ATP6V0D2: variants seen among roughly 807,000 people sequenced by gnomAD.
ATP6V0D2 encodes the protein ATPase H+ transporting V0 subunit d2.
Under a neutral mutation model 40.0 loss-of-function variants are expected in ATP6V0D2, and 40 were observed. The ratio of observed to expected loss-of-function variants is 1.00; its 90% CI spans 0.78 to 1.30. The LOEUF (loss-of-function observed/expected upper bound fraction) is 1.30. Ranked by LOEUF, ATP6V0D2 falls within the 50% of genes most tolerant of loss-of-function variation. The pLI is 0.00. For missense variants in ATP6V0D2, 470 were observed against 423.1 expected (o/e 1.11, Z -0.97); for synonymous variants, 179 against 156.3 (o/e 1.15, Z -1.08).
intron 2 of ATP6V0D2, 77 bp from the exon 3 acceptor site, chr8:86,139,380 T>G: frequency 8.1e-7 from 1 of 1,230,610 alleles, no homozygotes; most frequent in Non-Finnish European, 1.1e-6. Flanking sequence ...ACCTAAAGAG[T>G]GTGTGTTTTT....
chr8:86,151,690 A>T, intron 7 of ATP6V0D2, 150 bp downstream of exon 7: 1 of 606,632 alleles, frequency 1.6e-6, no homozygotes, highest in Non-Finnish European at 2.9e-6. Context: ...TTATTGCTAC[A>T]AAGTTACACA....
intron 3 of ATP6V0D2, 87 bp downstream of exon 3, chr8:86,139,722 C>A: frequency 1.4e-6 from 2 of 1,399,354 alleles, no homozygotes; most frequent in Non-Finnish European, 1.9e-6. Context: ...CCCTGTGGTC[C>A]AAAAGAAAAT....
chr8:86,126,236 CTATATA>C (rs60590702), intron 2 of ATP6V0D2, among the ~76,000 whole-genome samples: 33 of 77,122 alleles, frequency 4.3e-4, no homozygotes, highest in South Asian at 2.2e-3. Context: ...CGTGCTCAGC[CTATATA>C]TATATATATA....
intron 5 of ATP6V0D2, among the ~76,000 whole-genome samples, chr8:86,143,490 G>A (rs892142548): frequency 6.6e-6 from 1 of 152,150 alleles, no homozygotes; most frequent in Admixed American, 6.5e-5. Flanking sequence ...ACAAGGGGTG[G>A]ATTATTCATG....
At chr8:86,126,236 C>CTACATATATATATATATATATATATA (rs1818740542) in intron 2 of ATP6V0D2, among the ~76,000 whole-genome samples, 2 of 77,120 alleles carry the variant, frequency 2.6e-5, no homozygotes, top group Admixed American at 1.5e-4. Flanking sequence ...CGTGCTCAGC[C>CTACATATATATATATATATATATATA]TATATATATA....
Position 86,152,846 on chromosome 8 carries a change from C to T in ATP6V0D2, c.922C>T (p.Gln308Ter). 1.2e-6 allele frequency: 2 copies of T among 1,603,950 alleles called. No homozygotes were observed. Among genetic ancestry groups the T allele is most frequent in the Non-Finnish European group, 1.7e-6 (2 of 1,177,062 alleles). Reference protein sequence around the residue: ...VQMNVLAFNRQFHYGVFYAYV... With the variant: ...VQMNVLAFNR ...AATGAATGTGCTGGCATTCAACAGA[C>T]AGTTCCACTACGGTGTGTTTTATGC... The change falls in exon 8 of 8, where the codon CAG becomes TAG. Residue 308 changes from glutamine (Q) to a stop codon, truncating the protein, a stop_gained. Coordinates refer to ENST00000285393, the MANE Select transcript of ATP6V0D2 (RefSeq NM_152565.1). LOFTEE classifies it high-confidence loss of function.
At chr8:86,145,255 GAGAAAGAA>G (rs1179936581) in intron 5 of ATP6V0D2, among the ~76,000 whole-genome samples, 94 of 51,864 alleles carry the variant, frequency 1.8e-3, no homozygotes, top group South Asian at 3.9e-3. Context: ...GAGAGAGAGA[GAGAAAGAA>G]AGAAAGAAAG....
chr8:86,139,607 T>C lies in ATP6V0D2; in HGVS notation c.453T>C (p.Phe151=), dbSNP rs1263143598. 1 of 1,609,632 alleles carries C rather than the reference T, an allele frequency of 6.2e-7. No individual in the cohort carries two copies. Among genetic ancestry groups the C allele is most frequent in the Non-Finnish European group, 8.5e-7 (1 of 1,178,466 alleles). The change falls in exon 3 of 8, where the codon TTT becomes TTC. Residue 151 remains phenylalanine (F), a synonymous_variant. Transcript: ENST00000285393. ...VNIAETPSDL[F]NAILIETPLA... ...TTGCAGAGACACCTTCAGATCTCTT[T>C]AATGCCATTCTGATCGAAACGCCAT...
intron 2 of ATP6V0D2, among the ~76,000 whole-genome samples, chr8:86,132,473 C>T (rs765652417): frequency 6.6e-6 from 1 of 152,050 alleles, no homozygotes; most frequent in Admixed American, 6.6e-5. Context: ...TCCTCCTCTC[C>T]CCCTCCCTAC....
At chr8:86,145,256 A>C (rs1201747174) in intron 5 of ATP6V0D2, among the ~76,000 whole-genome samples, 1 of 40,410 alleles carries the variant, frequency 2.5e-5, no homozygotes, top group African/African-American at 1.6e-4. Context: ...AGAGAGAGAG[A>C]GAAAGAAAGA....
intron 1 of ATP6V0D2, among the ~76,000 whole-genome samples, chr8:86,112,232 G>C (rs748447499): frequency 5.9e-5 from 9 of 152,150 alleles, no homozygotes; most frequent in Non-Finnish European, 1.0e-4. Flanking sequence ...TTATGCTAGA[G>C]GTTTTATCAG....
intron 5 of ATP6V0D2, among the ~76,000 whole-genome samples, chr8:86,146,030 C>T (rs2721250): frequency 2.0e-5 from 3 of 152,070 alleles, no homozygotes; most frequent in Non-Finnish European, 4.4e-5. Context: ...TAGTAAGTCA[C>T]GATTGGAATG....
intron 7 of ATP6V0D2, among the ~76,000 whole-genome samples, chr8:86,152,373 G>T (rs571510194): frequency 1.2e-4 from 19 of 152,256 alleles, no homozygotes; most frequent in Middle Eastern, 3.4e-3. Flanking sequence ...GAAAAGTGCT[G>T]CAATAAACAT....
chr8:86,143,003 AT>A (rs1304950864), intron 5 of ATP6V0D2, 49 bp downstream of exon 5: 2 of 1,331,572 alleles, frequency 1.5e-6, no homozygotes, highest in African/African-American at 1.5e-5. Context: ...GTGCTTACAT[AT>A]TTTTATTGTT....
intron 2 of ATP6V0D2, among the ~76,000 whole-genome samples, chr8:86,128,856 C>T (rs1173050886): frequency 1.3e-5 from 2 of 152,162 alleles, no homozygotes; most frequent in African/African-American, 4.8e-5. Context: ...AGCTTCTTGT[C>T]TTCACACCAC....
intron 2 of ATP6V0D2, among the ~76,000 whole-genome samples, chr8:86,129,836 G>C (rs985800085): frequency 1.3e-5 from 2 of 150,698 alleles, no homozygotes; most frequent in African/African-American, 2.4e-5. Context: ...AATTGACCAG[G>C]CATGATGGTG....
chr8:86,114,563 G>A (rs1424784273), intron 2 of ATP6V0D2, among the ~76,000 whole-genome samples: 1 of 152,144 alleles, frequency 6.6e-6, no homozygotes, highest in African/African-American at 2.4e-5. Flanking sequence ...CCAGCTACTC[G>A]GGAGGTTGAG....
chr8:86,117,590 C>T (rs1818606526), intron 2 of ATP6V0D2, among the ~76,000 whole-genome samples: 1 of 152,188 alleles, frequency 6.6e-6, no homozygotes, highest in South Asian at 2.1e-4. Context: ...AGGATAATTC[C>T]TTCCATGTTA....
chr8:86,124,465 C>T (rs906198135), intron 2 of ATP6V0D2, among the ~76,000 whole-genome samples: 1 of 152,134 alleles, frequency 6.6e-6, no homozygotes, highest in Non-Finnish European at 1.5e-5. Flanking sequence ...TTTTAAAAAT[C>T]ATGATTTACT....
Sources: gnomAD v4.1 joint callset for allele counts (sites outside exome capture counted in the v4.1 genomes callset) on GRCh38, gnomAD v4.1.1 for gene constraint, MANE v1.5 for transcripts, NCBI Gene and HGNC (gene_info 2026-07-23, HGNC 2026-07-21) for gene names.